The following KIF6 variants were observed in gnomAD, a reference collection of about 807,000 sequenced individuals.
KIF6 encodes kinesin family member 6.
In KIF6, 106 loss-of-function variants were observed where a neutral mutation model predicts 112.7. The observed-to-expected ratio is 0.94, with a 90% CI of 0.80 to 1.11. KIF6 has a LOEUF of 1.11. Among genes scored for constraint, KIF6 ranks in the 50% least tolerant of loss-of-function variants. The pLI is 0.00. For missense variants in KIF6, 929 were observed against 964.0 expected, an observed-to-expected ratio of 0.96 and a Z score of 0.48; for synonymous variants, 339 against 339.9, an observed-to-expected ratio of 1.00 and a Z score of 0.03.
chr6:39,337,195 C>CTTTCTTTCTTTCTTTCT, intron 22 of KIF6, among the ~76,000 whole-genome samples: 1 of 91,090 alleles, frequency 1.1e-5, no homozygotes, highest in Non-Finnish European at 1.9e-5. Flanking sequence ...TTCTTTCTTT[C>CTTTCTTTCTTTCTTTCT]TTTCTTTCTT....
intron 6 of KIF6, among the ~76,000 whole-genome samples, chr6:39,610,121 A>G (rs1489126124): frequency 1.3e-5 from 2 of 152,222 alleles, no homozygotes; most frequent in African/African-American, 4.8e-5. Context: ...TATTTCAGCT[A>G]TAAGACAAAA....
At chr6:39,661,303 C>T (rs544483584) in intron 3 of KIF6, among the ~76,000 whole-genome samples, 3 of 152,206 alleles carry the variant, frequency 2.0e-5, no homozygotes, top group Admixed American at 2.0e-4. Flanking sequence ...ATTTGCATTT[C>T]TCATAATTAT....
intron 5 of KIF6, among the ~76,000 whole-genome samples, chr6:39,622,587 G>A (rs913194292): frequency 1.3e-5 from 2 of 152,076 alleles, no homozygotes; most frequent in African/African-American, 4.8e-5. Context: ...TGCCTGTATG[G>A]GATCTGTCCT....
At chr6:39,647,482 T>C (rs1412813884) in intron 3 of KIF6, among the ~76,000 whole-genome samples, 1 of 152,102 alleles carries the variant, frequency 6.6e-6, no homozygotes, top group East Asian at 1.9e-4. Context: ...ACAGCTATTA[T>C]ATCATTACAA....
Position 39,548,864 on chromosome 6 carries a change from A to G in KIF6, c.1182-3176T>C, listed in dbSNP as rs571095898. 3.3e-5 allele frequency among the ~76,000 whole-genome samples: 5 copies of G among 152,356 alleles called. No individual in the cohort carries two copies. The East Asian group carries it at 9.6e-4, about 29-fold the overall frequency. On this transcript the variant is annotated intron_variant, in intron 10 of 22. Coordinates refer to ENST00000287152, the MANE Select transcript of KIF6 (RefSeq NM_145027.6). ...TATTTTTTAGGACAAGCCCAAGTCA[A>G]CAAGAGCTTTCCTTATTCTCTACTT... is the stretch of plus-strand genomic sequence containing the variant.
chr6:39,714,239 G>A (rs1299017665), intron 3 of KIF6, among the ~76,000 whole-genome samples: 2 of 152,162 alleles, frequency 1.3e-5, no homozygotes, highest in Non-Finnish European at 2.9e-5. Context: ...ATGACACTGA[G>A]GTAGAGCAGG....
At chr6:39,372,753 T>C (rs1355302316) in intron 16 of KIF6, among the ~76,000 whole-genome samples, 1 of 152,236 alleles carries the variant, frequency 6.6e-6, no homozygotes, top group Non-Finnish European at 1.5e-5. Flanking sequence ...CCCTTTCTCC[T>C]GGGCAGGCTC....
chr6:39,427,349 G>A (rs1036873428), intron 14 of KIF6, among the ~76,000 whole-genome samples: 3 of 152,158 alleles, frequency 2.0e-5, no homozygotes, highest in Non-Finnish European at 4.4e-5. Context: ...GCCTTCCTTT[G>A]ATGTCTGTTG....
chr6:39,632,167 T>A (rs868051399), intron 5 of KIF6, among the ~76,000 whole-genome samples: 1 of 132,192 alleles, frequency 7.6e-6, no homozygotes, highest in Non-Finnish European at 1.5e-5. Flanking sequence ...AAGTGGTACA[T>A]CTTATAATGT....
chr6:39,552,369 C>G (rs1398913662), intron 10 of KIF6, among the ~76,000 whole-genome samples: 1 of 152,186 alleles, frequency 6.6e-6, no homozygotes. Flanking sequence ...TAAAACATGT[C>G]AGGCACTTTC....
At chr6:39,568,766 G>C (rs1780469804) in intron 10 of KIF6, among the ~76,000 whole-genome samples, 2 of 152,030 alleles carry the variant, frequency 1.3e-5, no homozygotes, top group Admixed American at 6.5e-5. Context: ...GGCCAGGCTG[G>C]TCTTGGACTC....
chr6:39,690,381 T>C (rs1788125912), intron 3 of KIF6: 1 of 152,154 alleles, frequency 6.6e-6, no homozygotes, highest in African/African-American at 2.4e-5. Context: ...AAGGAACTTA[T>C]ACTTCATTCT....
chr6:39,630,687 T>C (rs1217629627), intron 5 of KIF6, among the ~76,000 whole-genome samples: 4 of 152,006 alleles, frequency 2.6e-5, no homozygotes, highest in African/African-American at 9.7e-5. Context: ...ATTATTGCAA[T>C]TGGCTAGGAC....
chr6:39,408,647 T>C (rs1398291296), intron 15 of KIF6, among the ~76,000 whole-genome samples: 3 of 151,846 alleles, frequency 2.0e-5, no homozygotes, highest in Non-Finnish European at 4.4e-5. Context: ...CTCTCTCTCT[T>C]TCTTTCTCTC....
chr6:39,371,813 A>T, intron 16 of KIF6, among the ~76,000 whole-genome samples: 1 of 152,096 alleles, frequency 6.6e-6, no homozygotes, highest in East Asian at 1.9e-4. Flanking sequence ...CCTCAAGTTA[A>T]GGGACCTGCT....
intron 7 of KIF6, among the ~76,000 whole-genome samples, chr6:39,592,575 T>C (rs1561844820): frequency 6.6e-6 from 1 of 152,210 alleles, no homozygotes; most frequent in Non-Finnish European, 1.5e-5. Flanking sequence ...TCTCACTTGA[T>C]GTTTGGGCTG....
chr6:39,336,502 A>G lies in KIF6; in HGVS notation c.*30T>C, dbSNP rs1762915761. 1.2e-6 allele frequency: 2 copies of G among 1,611,072 alleles called. No homozygotes were observed. The highest frequency in any genetic ancestry group is 8.5e-7 in the Non-Finnish European group (1 of 1,177,216). ...TCATCTGTGCTTCATTCTTGCTGGC[A>G]TAATTCATGGATGGATATTTCCTGG... On this transcript the variant is annotated 3_prime_UTR_variant, in exon 23 of 23. Coordinates refer to ENST00000287152, the MANE Select transcript of KIF6 (RefSeq NM_145027.6).
chr6:39,333,413 G>T lies in KIF6; in HGVS notation c.*3119C>A, dbSNP rs890891634. The T allele has an allele frequency of 6.6e-6, 1 of 152,236 alleles. No individual in the cohort carries two copies. Among genetic ancestry groups the T allele is most frequent in the East Asian group, 1.9e-4 (1 of 5,184 alleles). The allele number at this position is 152,236 out of a possible 1,614,324, so 9.4% of individuals were successfully genotyped here. On this transcript the variant is annotated 3_prime_UTR_variant, in exon 23 of 23. Transcript: ENST00000287152. ...AGTTCAGCTGATCTGGGCTGGGCTT[G>T]CCTGGGAGGCTCTGCTCCAGGCTGT...
intron 5 of KIF6, among the ~76,000 whole-genome samples, chr6:39,615,315 T>C (rs1458491300): frequency 6.6e-6 from 1 of 152,178 alleles, no homozygotes; most frequent in Non-Finnish European, 1.5e-5. Context: ...CCAAGACAGA[T>C]ACAATACTAT....
Sources: gnomAD v4.1 joint callset for allele counts (sites outside exome capture counted in the v4.1 genomes callset) on GRCh38, gnomAD v4.1.1 for gene constraint, MANE v1.5 for transcripts, NCBI Gene and HGNC (gene_info 2026-07-23, HGNC 2026-07-21) for gene names.